Variants in CPT1B observed in about 807,000 individuals in gnomAD.
CPT1B encodes the protein carnitine palmitoyltransferase 1B.
In CPT1B, 57 loss-of-function variants were observed where a neutral mutation model predicts 92.7. The ratio of observed to expected loss-of-function variants is 0.62; its 90% CI spans 0.50 to 0.77. The LOEUF (loss-of-function observed/expected upper bound fraction) is 0.77, where lower values mean the gene tolerates loss of function less well. Among genes scored for constraint, CPT1B ranks in the 30% least tolerant of loss-of-function variants. The pLI is 0.00. For missense variants in CPT1B, 983 were observed against 1,017.4 expected (o/e 0.97, Z 0.46); for synonymous variants, 398 against 383.5 (o/e 1.04, Z -0.44).
Position 50,577,890 on chromosome 22 carries a change from G to T in CPT1B, c.26C>A (p.Ala9Asp). The change falls in exon 2 of 20, where the codon GCC becomes GAC. Residue 9 changes from alanine (A) to aspartate (D), a missense_variant. Physicochemically the swap from Ala to Asp is moderately radical, Grantham distance 126 (BLOSUM62 -2). Coordinates refer to ENST00000312108, the MANE Select transcript of CPT1B (RefSeq NM_152246.3). MAEAHQAV[A>D]FQFTVTPDGV... ...GTCTGGGGTCACCGTGAACTGGAAGGCCACGGCCTGGTGAGCTTCCGCCAT... is the reference window on the plus strand; with the variant it reads ...GTCTGGGGTCACCGTGAACTGGAAGTCCACGGCCTGGTGAGCTTCCGCCAT... The T allele has an allele frequency of 1.2e-6, 2 of 1,612,524 alleles. No individual in the cohort carries two copies. The highest frequency in any genetic ancestry group is 1.3e-5 in the African/African-American group (1 of 75,062).
intron 13 of CPT1B, among the ~76,000 whole-genome samples, 175 bp from the exon 14 acceptor site, chr22:50,571,714 G>A (rs1482899899): frequency 6.6e-6 from 1 of 152,204 alleles, no homozygotes; most frequent in African/African-American, 2.4e-5. Context: ...CAGAGGCCGG[G>A]CTCAGCTTTG....
In CPT1B at chr22:50,572,002, C is replaced by A; in HGVS notation, c.1575+4G>T. The A allele has an allele frequency of 6.2e-7, 1 of 1,612,868 alleles. No individual in the cohort carries two copies. Among genetic ancestry groups the A allele is most frequent in the Non-Finnish European group, 8.5e-7 (1 of 1,179,212 alleles). On this transcript the variant is annotated splice_donor_region_variant and intron_variant, in intron 13 of 19. Transcript: ENST00000312108. ...CACACCTGCTCTGGGAGCTTCCAAC[C>A]CACCTGTTTTGGAATGTCCCACTGC...
chr22:50,570,349 T>C lies in CPT1B; in HGVS notation c.2086A>G (p.Met696Val), dbSNP rs770930460. ...TTGGGGTGCTGCTCTGGGTCGAACATGCGGATCTGGGATTGGGGGATCTGG... is the reference window on the plus strand; with the variant it reads ...TTGGGGTGCTGCTCTGGGTCGAACACGCGGATCTGGGATTGGGGGATCTGG... ...TSQIPQSQIR[M>V]FDPEQHPNHL... is the part of the protein sequence containing the mutation. The change falls in exon 17 of 20, where the codon ATG becomes GTG. Residue 696 changes from methionine (M) to valine (V), a missense_variant. Transcript: ENST00000312108. 1 of 1,608,394 alleles carries C rather than the reference T, an allele frequency of 6.2e-7. No homozygotes were observed. Among genetic ancestry groups the C allele is most frequent in the Non-Finnish European group, 8.5e-7 (1 of 1,176,506 alleles).
chr22:50,578,564 T>C (rs2070585883), upstream of CPT1B: 1 of 157,358 alleles, frequency 6.4e-6, no homozygotes, highest in Non-Finnish European at 1.4e-5. Context: ...GCGGTGGGAA[T>C]TGCAGGGCGC....
At chr22:50,576,778 C>G in intron 4 of CPT1B, 79 bp downstream of exon 4, 2 of 1,583,504 alleles carry the variant, frequency 1.3e-6, no homozygotes, top group East Asian at 4.5e-5. Flanking sequence ...GTCTGCCTCT[C>G]CCGTCTAGCT....
Position 50,576,970 on chromosome 22 carries a change from C to G in CPT1B, c.346G>C (p.Val116Leu), listed in dbSNP as rs760981606. ...LLSMAIFSTG[V>L]WVTGIFFFRQ... Reference sequence around the variant, plus strand: ...AAGAAGAAGATGCCCGTCACCCAGACGCCCGTGGAGAAGATGGCCATGCTG... The same window carrying G: ...AAGAAGAAGATGCCCGTCACCCAGAGGCCCGTGGAGAAGATGGCCATGCTG... The change falls in exon 4 of 20, where the codon GTC becomes CTC. Residue 116 changes from valine to leucine, a missense_variant. Physicochemically the swap from Val to Leu is conservative, Grantham distance 32. Coordinates refer to ENST00000312108, the MANE Select transcript of CPT1B (RefSeq NM_152246.3). 1 of 1,614,096 alleles carries G rather than the reference C, an allele frequency of 6.2e-7. No individual in the cohort carries two copies. The highest frequency in any genetic ancestry group is 8.5e-7 in the Non-Finnish European group (1 of 1,180,032).
rs1048236611 is a variant in CPT1B at position 50,578,410 on chromosome 22, C to G, written c.-44G>C. On this transcript the variant is annotated 5_prime_UTR_variant, in exon 1 of 20. Transcript: ENST00000312108. ...CAGCTCGGGTTCACTCCTGTCCGTG[C>G]GTGGGGCCAGCCACTCTGGCCCGTG... is the stretch of plus-strand genomic sequence containing the variant. 1.3e-5 allele frequency: 2 copies of G among 153,734 alleles called. No homozygotes were observed. The highest frequency in any genetic ancestry group is 1.9e-4 in the East Asian group (1 of 5,190). 9.5% of individuals were successfully genotyped at this position (153,734 alleles called of 1,614,324 possible). A position where few individuals can be genotyped will look rare whatever the true frequency, so the allele number is the denominator to read the frequency against.
In CPT1B at chr22:50,574,529, C is replaced by T. The variant is rs764447498; in HGVS notation, c.849G>A (p.Met283Ile). 1.7e-5 allele frequency: 27 copies of T among 1,614,054 alleles called. No homozygotes were observed. The highest frequency in any genetic ancestry group is 7.7e-5 in the South Asian group (7 of 91,090). ...RLGNIIHAMI[M>I]YRRKLDREEI... is the part of the protein sequence containing the mutation. ...CTTCACGGTCCAGTTTACGGCGATA[C>T]ATGATCATGGCGTGGATGATGTTTC... Residue 283 changes from methionine to isoleucine, a missense_variant, in exon 8 of 20, where the codon ATG (methionine) becomes ATA (isoleucine). Coordinates refer to ENST00000312108, the MANE Select transcript of CPT1B (RefSeq NM_152246.3).
rs138391114 is a variant in CPT1B at position 50,571,377 on chromosome 22, G to A, written c.1738C>T (p.Arg580Trp). The change falls in exon 14 of 20, where the codon CGG becomes TGG. Residue 580 changes from arginine (R) to tryptophan (W), a missense_variant and splice_region_variant. Physicochemically the swap from Arg to Trp is moderately radical, Grantham distance 101. Coordinates refer to ENST00000312108, the MANE Select transcript of CPT1B (RefSeq NM_152246.3). ...VQIALQLAHF[R>W]DRGKFCLTYE... The stretch of plus-strand genomic sequence containing the variant: ...GCAGCGGGAGGCGGGGCTCCTACCC[G>A]GAAGTGAGCCAGCTGCAGCGCGATC... 3.9e-5 allele frequency: 63 copies of A among 1,613,744 alleles called. No individual in the cohort carries two copies. The highest frequency in any genetic ancestry group is 2.0e-4 in the African/African-American group (15 of 75,048).
At position 50,570,553 on chromosome 22, in the gene CPT1B, A is replaced by G; in HGVS notation, c.2029-147T>C. 3 of 660,850 alleles carry G rather than the reference A, an allele frequency of 4.5e-6. No homozygotes were observed. In the South Asian group the frequency reaches 6.2e-5, roughly 14 times the overall value. The allele number at this position is 660,850 out of a possible 1,614,324, so 40.9% of individuals were successfully genotyped here. A position where few individuals can be genotyped will look rare whatever the true frequency, so the allele number is the denominator to read the frequency against. On this transcript the variant is annotated intron_variant, in intron 16 of 19. Transcript: ENST00000312108. ...ACCACCCCGTGGTCCCCTGTGCATC[A>G]TGCCACATAAGGCTTGTGTGAGCTG...
At chr22:50,575,981 T>G in intron 7 of CPT1B, 54 bp downstream of exon 7, 3 of 1,557,316 alleles carry the variant, frequency 1.9e-6, no homozygotes, top group Non-Finnish European at 2.7e-6. Context: ...TCCCTTGCCT[T>G]GGAGCTGGGA....
In CPT1B at chr22:50,571,216, C is replaced by T. The variant is rs571519095; in HGVS notation, c.1817G>A (p.Arg606His). ...MFREGRTETV[R>H]SCTSESTAFV... is the part of the protein sequence containing the mutation. The stretch of plus-strand genomic sequence containing the variant: ...GGCTGTGGACTCGCTGGTACAGGAA[C>T]GCACAGTCTCAGTCCGTCCCTCCCG... Residue 606 changes from arginine (R) to histidine (H), a missense_variant, in exon 15 of 20, where the codon CGT becomes CAT. By Grantham distance (29) the Arg-to-His change is conservative. Coordinates refer to ENST00000312108, the MANE Select transcript of CPT1B (RefSeq NM_152246.3). The T allele has an allele frequency of 6.1e-5, 99 of 1,614,126 alleles. No individual in the cohort carries two copies. The South Asian group carries it at 9.9e-4, about 16-fold the overall frequency.
chr22:50,574,801 G>A (rs901374566), intron 7 of CPT1B: 1 of 568,248 alleles, frequency 1.8e-6, no homozygotes, highest in Non-Finnish European at 3.2e-6. Flanking sequence ...AGCCTGAGCT[G>A]CTTTATTCTT....
chr22:50,577,598 C>T, intron 2 of CPT1B, 135 bp from the exon 3 acceptor site: 1 of 1,409,756 alleles, frequency 7.1e-7, no homozygotes, highest in Non-Finnish European at 9.6e-7. Context: ...CCTTCCTCCG[C>T]CACACCCACA....
Position 50,573,408 on chromosome 22 carries a change from C to A in CPT1B, c.1166+112G>T. On this transcript the variant is annotated intron_variant, in intron 10 of 19. Coordinates refer to ENST00000312108, the MANE Select transcript of CPT1B (RefSeq NM_152246.3). The surrounding 1 kb of genome is among the most constrained non-coding windows in gnomAD (Gnocchi z 5.0). ...TGCTGCCATGACCACCAATGCCCCT[C>A]CCCTAGTTGTGCCTCCAGCCTCCAG... 1 of 944,036 alleles carries A rather than the reference C, an allele frequency of 1.1e-6. No individual in the cohort carries two copies. Among genetic ancestry groups the A allele is most frequent in the Non-Finnish European group, 1.6e-6 (1 of 632,808 alleles). 58.5% of individuals were successfully genotyped at this position (944,036 alleles called of 1,614,324 possible).
intron 17 of CPT1B, among the ~76,000 whole-genome samples, chr22:50,569,955 G>A (rs1016582550): frequency 1.3e-5 from 2 of 152,192 alleles, no homozygotes; most frequent in Admixed American, 6.5e-5. Context: ...GCTAGCCCAT[G>A]TGAAGGTTTC....
intron 17 of CPT1B, 131 bp downstream of exon 17, chr22:50,570,162 A>G: frequency 1.5e-6 from 1 of 648,174 alleles, no homozygotes; most frequent in Non-Finnish European, 2.5e-6. Flanking sequence ...TTCTGCTTCC[A>G]TGCAGGTCTG....
intron 19 of CPT1B, 46 bp downstream of exon 19, chr22:50,569,290 T>C (rs1377726166): frequency 1.4e-5 from 22 of 1,593,828 alleles, no homozygotes; most frequent in Non-Finnish European, 1.9e-5. Context: ...CACAGGTCCC[T>C]TCCTCCACAG....
At position 50,577,006 on chromosome 22, in the gene CPT1B, G is replaced by C; in HGVS notation, c.310C>G (p.Arg104Gly). ...AAGATGGCCATGCTGAGAAGTGCCC[G>C]GGTCTGCGGGGTCTGGTAGGGGCCA... ...GCGPYQTPQT[R>G]ALLSMAIFST... The change falls in exon 4 of 20, where the codon CGG becomes GGG. Residue 104 changes from arginine to glycine, a missense_variant. Transcript: ENST00000312108. 1 of 1,614,028 alleles carries C rather than the reference G, an allele frequency of 6.2e-7. No homozygotes were observed. The highest frequency in any genetic ancestry group is 8.5e-7 in the Non-Finnish European group (1 of 1,180,016).
Sources: gnomAD v4.1 joint callset for allele counts (sites outside exome capture counted in the v4.1 genomes callset) on GRCh38, gnomAD v4.1.1 for gene constraint, Gnocchi (gnomAD v3.1) non-coding constraint, MANE v1.5 for transcripts, NCBI Gene and HGNC (gene_info 2026-07-23, HGNC 2026-07-21) for gene names.